DPP6: variants seen among roughly 807,000 people sequenced by gnomAD.
DPP6 encodes dipeptidyl peptidase like 6, also known as A-type potassium channel modulatory protein DPP6.
A neutral mutation model predicts 122.6 loss-of-function variants in DPP6; 69 were observed. That is an observed-to-expected ratio of 0.56 (90% CI 0.46 to 0.69). The LOEUF (loss-of-function observed/expected upper bound fraction) is 0.69. DPP6 is among the 30% of genes least tolerant of loss of function. DPP6 has a pLI of 0.00. For synonymous variants in DPP6, 418 were observed against 433.1 expected, an observed-to-expected ratio of 0.97 and a Z score of 0.43; for missense variants, 928 against 1,116.9, an observed-to-expected ratio of 0.83 and a Z score of 2.41.
In DPP6 at chr7:154,241,505, A is replaced by T. The variant is rs993517838; in HGVS notation, c.243+188442A>T. Among the ~76,000 whole-genome samples the T allele has an allele frequency of 2.6e-5, 4 of 152,050 alleles. No individual in the cohort carries two copies. Among genetic ancestry groups the T allele is most frequent in the African/African-American group, 9.7e-5 (4 of 41,384 alleles). On this transcript the variant is annotated intron_variant, in intron 1 of 25. Transcript: ENST00000377770. The surrounding 1 kb of genome is among the most constrained non-coding windows in gnomAD (Gnocchi z 9.0). ...AACCCAGGAGAAGGAGGTTGCAGTG[A>T]GTTGTGGTCACTCCACTGCACTGCA...
intron 7 of DPP6, among the ~76,000 whole-genome samples, chr7:154,715,509 T>G (rs867263554): frequency 1.3e-5 from 2 of 152,232 alleles, no homozygotes; most frequent in African/African-American, 2.4e-5. Flanking sequence ...GCTAATATGA[T>G]GCAGATGAAG....
intron 1 of DPP6, among the ~76,000 whole-genome samples, chr7:154,319,032 C>T (rs1807686586): frequency 6.6e-6 from 1 of 152,132 alleles, no homozygotes; most frequent in South Asian, 2.1e-4. Flanking sequence ...TTTATGTGGC[C>T]CCCAGGGCCA....
chr7:154,625,709 G>A (rs1307570777), intron 5 of DPP6, among the ~76,000 whole-genome samples: 1 of 152,178 alleles, frequency 6.6e-6, no homozygotes, highest in Non-Finnish European at 1.5e-5. Context: ...AAGCTGCTGC[G>A]GGCAGGGTGT....
chr7:154,757,929 AG>A (rs992371937), intron 8 of DPP6, among the ~76,000 whole-genome samples: 10 of 152,162 alleles, frequency 6.6e-5, no homozygotes, highest in Non-Finnish European at 1.2e-4. Context: ...CAGCCCAAGG[AG>A]GGGGTGCCTG....
chr7:154,435,807 T>G (rs548525522), intron 1 of DPP6, among the ~76,000 whole-genome samples: 3 of 152,296 alleles, frequency 2.0e-5, no homozygotes, highest in African/African-American at 7.2e-5. Flanking sequence ...TAAAAGAAAT[T>G]TATGTCAGAG....
chr7:153,986,947 G>T (rs1287330303), intron 1 of DPP6, among the ~76,000 whole-genome samples: 1 of 151,080 alleles, frequency 6.6e-6, no homozygotes, highest in Non-Finnish European at 1.5e-5. Context: ...GAGATAAAAG[G>T]AAAAAAAAGA....
chr7:154,289,740 T>C (rs1465833968), intron 1 of DPP6, among the ~76,000 whole-genome samples: 2 of 151,796 alleles, frequency 1.3e-5, no homozygotes, highest in African/African-American at 4.9e-5. Flanking sequence ...CATAACTTAA[T>C]TTTTACACAT....
rs867325263 is a variant in DPP6, at chr7:154,481,343, A to G, written c.457+6306A>G. On this transcript the variant is annotated intron_variant, in intron 3 of 25. Coordinates refer to ENST00000377770, the MANE Select transcript of DPP6 (RefSeq NM_130797.4). This position sits in a 1 kb window ranked among gnomAD's most constrained non-coding sequence, Gnocchi z 4.2. Reference sequence around the variant, plus strand: ...GCTATACACTTGGAGAGAGAGAGAGAGGGGTGTGTGTGTGTGTGTGTGTGT... The same window carrying G: ...GCTATACACTTGGAGAGAGAGAGAGGGGGGTGTGTGTGTGTGTGTGTGTGT... 0.074 allele frequency among the ~76,000 whole-genome samples: 5,377 copies of G among 72,322 alleles called. 265 individuals carry two copies. The highest frequency in any genetic ancestry group is 0.26 in the African/African-American group (4,526 of 17,186). 47.4% of individuals were successfully genotyped at this position (72,322 alleles called of 152,430 possible). A position where few individuals can be genotyped will look rare whatever the true frequency, so the allele number is the denominator to read the frequency against.
intron 1 of DPP6, among the ~76,000 whole-genome samples, chr7:154,327,792 A>G (rs1327665829): frequency 6.6e-6 from 1 of 152,164 alleles, no homozygotes; most frequent in Non-Finnish European, 1.5e-5. Flanking sequence ...AATTACCACC[A>G]TTTATACTGG....
In DPP6 at chr7:153,971,285, A is replaced by G. The variant is rs191540407; in HGVS notation, c.51+83551A>G. ...TTTTTGTAAATTGACTTTTTATCCT[A>G]CAAATTTGCTGAACTGTTTTATTGA... is the stretch of plus-strand genomic sequence containing the variant. On this transcript the variant is annotated intron_variant, in intron 1 of 25. Transcript: ENST00000404039. 3.3e-5 allele frequency among the ~76,000 whole-genome samples: 5 copies of G among 152,048 alleles called. No individual in the cohort carries two copies. In the East Asian group the frequency reaches 9.7e-4, roughly 29 times the overall value.
At chr7:154,338,236 G>A (rs1809605119) in intron 1 of DPP6, among the ~76,000 whole-genome samples, 2 of 152,178 alleles carry the variant, frequency 1.3e-5, no homozygotes, top group South Asian at 4.1e-4. Flanking sequence ...CTGGTCAGGG[G>A]CGGCTTTCCA....
chr7:154,866,648 C>A lies in DPP6; in HGVS notation c.1715-1347C>A, dbSNP rs549393078. Among the ~76,000 whole-genome samples, 6 of 152,326 alleles carry A rather than the reference C, an allele frequency of 3.9e-5. No individual in the cohort carries two copies. The East Asian group carries it at 5.8e-4, about 15-fold the overall frequency. The stretch of plus-strand genomic sequence containing the variant: ...CTCGCATGCTACGTGGTGTTCGGAA[C>A]CTTTCCCAGTGGTGGTCTAACGTCA... On this transcript the variant is annotated intron_variant, in intron 17 of 25. Transcript: ENST00000377770.
intron 1 of DPP6, among the ~76,000 whole-genome samples, chr7:154,257,579 C>T (rs1802738422): frequency 6.6e-6 from 1 of 152,168 alleles, no homozygotes; most frequent in African/African-American, 2.4e-5. Context: ...TACCTGTAAT[C>T]CCAGCTACTT....
At chr7:154,596,413 T>C (rs6975443) in intron 5 of DPP6, among the ~76,000 whole-genome samples, 148,143 of 152,350 alleles carry the variant, frequency 0.97, 72,158 homozygotes, top group Non-Finnish European at 1. Context: ...ACACGGGCAG[T>C]GTATAGACAT....
intron 1 of DPP6, among the ~76,000 whole-genome samples, chr7:154,211,672 A>G (rs995338610): frequency 6.6e-6 from 1 of 152,096 alleles, no homozygotes; most frequent in Admixed American, 6.6e-5. Flanking sequence ...CTCCACCTCC[A>G]TACACACAAG....
intron 1 of DPP6, among the ~76,000 whole-genome samples, chr7:154,178,602 A>G (rs114008726): frequency 0.01 from 1,586 of 152,290 alleles, 29 homozygotes; most frequent in African/African-American, 0.035. Context: ...GTTCCATTGA[A>G]CACAGAGCCT....
chr7:154,323,451 C>T (rs958351046), intron 1 of DPP6, among the ~76,000 whole-genome samples: 2 of 152,164 alleles, frequency 1.3e-5, no homozygotes, highest in African/African-American at 4.8e-5. Flanking sequence ...TTATTTGGGG[C>T]AAGCTCCGAC....
At chr7:153,774,007 G>C in the DPP6 span, among the ~76,000 whole-genome samples, 1 of 151,848 alleles carries the variant, frequency 6.6e-6, no homozygotes, top group Non-Finnish European at 1.5e-5. Context: ...ATATAAAAGA[G>C]AAATTAAATG....
chr7:154,216,891 A>G (rs1426300076), intron 1 of DPP6, among the ~76,000 whole-genome samples: 1 of 145,274 alleles, frequency 6.9e-6, no homozygotes, highest in Non-Finnish European at 1.5e-5. Context: ...CTTAAATTCA[A>G]TCTGATGTAG....
Sources: allele counts gnomAD v4.1 joint callset (sites outside exome capture counted in the v4.1 genomes callset), GRCh38; gene constraint gnomAD v4.1.1; non-coding constraint Gnocchi (gnomAD v3.1); transcripts MANE v1.5; gene names NCBI Gene and HGNC (gene_info 2026-07-23, HGNC 2026-07-21).